Variants in LYST observed in about 807,000 individuals in gnomAD.
LYST encodes lysosomal trafficking regulator.
A neutral mutation model predicts 413.6 loss-of-function variants in LYST; 192 were observed. The observed-to-expected ratio is 0.46, with a 90% confidence interval of 0.41 to 0.52. The LOEUF is 0.52. LYST is among the 20% of genes least tolerant of loss of function. The pLI is 0.00. For synonymous variants in LYST, 1,525 were observed against 1,567.3 expected (o/e 0.97, Z 0.64); for missense variants, 3,815 against 4,499.9 (o/e 0.85, Z 4.35).
At chr1:235,749,747 A>G (rs984088228) in intron 28 of LYST, among the ~76,000 whole-genome samples, 1 of 152,218 alleles carries the variant, frequency 6.6e-6, no homozygotes, top group East Asian at 1.9e-4. Flanking sequence ...GAAAAGACTA[A>G]AAGTTCATTA....
intron 3 of LYST, chr1:235,828,076 A>C: frequency 1.4e-6 from 1 of 719,426 alleles, no homozygotes; most frequent in Non-Finnish European, 1.7e-6. Flanking sequence ...ATAAGATACT[A>C]CTTCATATTC....
At chr1:235,833,512 T>C in intron 2 of LYST, 66 bp downstream of exon 2, 1 of 261,928 alleles carries the variant, frequency 3.8e-6, no homozygotes, top group Non-Finnish European at 5.9e-6. Flanking sequence ...GAATGTCAGA[T>C]AATTATGTAG....
chr1:235,755,185 T>A (rs988952486), intron 25 of LYST, among the ~76,000 whole-genome samples: 1 of 150,196 alleles, frequency 6.7e-6, no homozygotes, highest in African/African-American at 2.5e-5. Context: ...GTCAGGAGTT[T>A]GAGACCAGCC....
At position 235,762,870 on chromosome 1, in the gene LYST, T is replaced by G. The variant is rs529194906; in HGVS notation, c.6122-19A>C. ...TTGCCATCTAGAATCCAAATTTTTT[T>G]TGAAACAGCAAAATTTTTAAAAAGG... is the stretch of plus-strand genomic sequence containing the variant. On this transcript the variant is annotated intron_variant, in intron 21 of 52. Transcript: ENST00000389793. 169 of 1,609,882 alleles carry G rather than the reference T, an allele frequency of 1.0e-4. 3 individuals carry two copies. The Middle Eastern group carries it at 1.3e-3, about 13-fold the overall frequency.
chr1:235,807,468 G>A (rs1672985136), intron 5 of LYST, among the ~76,000 whole-genome samples: 1 of 152,148 alleles, frequency 6.6e-6, no homozygotes, highest in South Asian at 2.1e-4. Context: ...ACGCCAAAGA[G>A]TTACAAAACT....
intron 28 of LYST, among the ~76,000 whole-genome samples, chr1:235,746,904 A>AT (rs2103284139): frequency 6.6e-6 from 1 of 152,300 alleles, no homozygotes; most frequent in East Asian, 1.9e-4. Context: ...AATGCACATA[A>AT]TTTTTTAGTA....
chr1:235,824,606 A>C (rs972284734), intron 3 of LYST, among the ~76,000 whole-genome samples: 1 of 152,246 alleles, frequency 6.6e-6, no homozygotes, highest in Non-Finnish European at 1.5e-5. Context: ...TGTCATCTTT[A>C]ACCATTAAAA....
intron 46 of LYST, among the ~76,000 whole-genome samples, chr1:235,693,732 CTA>C (rs1477391358): frequency 6.6e-6 from 1 of 152,086 alleles, no homozygotes; most frequent in Non-Finnish European, 1.5e-5. Flanking sequence ...TGACTCAGAA[CTA>C]AAATTTCTGT....
At chr1:235,876,695 A>C (rs1397368723) in intron 1 of LYST, among the ~76,000 whole-genome samples, 1 of 152,228 alleles carries the variant, frequency 6.6e-6, no homozygotes, top group Non-Finnish European at 1.5e-5. Flanking sequence ...TGTTTTCTGC[A>C]AAGAGAAACT....
In LYST at chr1:235,729,597, T is replaced by C. The variant is rs1664187016; in HGVS notation, c.9105A>G (p.Leu3035=). The C allele has an allele frequency of 6.2e-7, 1 of 1,603,180 alleles. No homozygotes were observed. The highest frequency in any genetic ancestry group is 8.5e-7 in the Non-Finnish European group (1 of 1,170,416). ...AAAATTCTTCAAAATTTGACTTACC[T>C]AGTAACAATTCACCAGCTGTCTCTC... ...PSRETAGELL[L]GKCGMYFVED... Residue 3035 remains leucine (L), a splice_region_variant and synonymous_variant, in exon 37 of 53, where the codon CTA becomes CTG. Coordinates refer to ENST00000389793, the MANE Select transcript of LYST (RefSeq NM_000081.4).
chr1:235,737,967 G>C (rs1015071255), intron 31 of LYST: 1 of 1,356,014 alleles, frequency 7.4e-7, no homozygotes, highest in African/African-American at 1.5e-5. Flanking sequence ...GTGCATTCTC[G>C]ATTCCTTTTG....
intron 1 of LYST, among the ~76,000 whole-genome samples, chr1:235,865,026 T>C (rs1362376329): frequency 6.6e-6 from 1 of 152,204 alleles, no homozygotes; most frequent in Non-Finnish European, 1.5e-5. Flanking sequence ...CTACAAGGCC[T>C]TATACAGTCT....
chr1:235,802,030 C>T (rs1672287669), intron 8 of LYST, among the ~76,000 whole-genome samples: 1 of 151,800 alleles, frequency 6.6e-6, no homozygotes, highest in African/African-American at 2.4e-5. Flanking sequence ...CCCATCTCTA[C>T]TAAAAATATA....
chr1:235,817,714 G>A, intron 3 of LYST, among the ~76,000 whole-genome samples: 1 of 152,126 alleles, frequency 6.6e-6, no homozygotes, highest in Non-Finnish European at 1.5e-5. Context: ...CCTCTTTCAG[G>A]ATGGAGGGTG....
At chr1:235,752,540 G>A (rs915801906) in intron 26 of LYST, among the ~76,000 whole-genome samples, 1 of 152,088 alleles carries the variant, frequency 6.6e-6, no homozygotes. Flanking sequence ...GTGTGGGTAT[G>A]AACAGGAACA....
At chr1:235,784,761 A>C (rs1670240802) in intron 14 of LYST, among the ~76,000 whole-genome samples, 1 of 152,130 alleles carries the variant, frequency 6.6e-6, no homozygotes, top group Non-Finnish European at 1.5e-5. Context: ...TGCCTAGGAG[A>C]AAGGGGCTCT....
chr1:235,865,519 T>C (rs181422332), intron 1 of LYST, among the ~76,000 whole-genome samples: 2 of 152,256 alleles, frequency 1.3e-5, no homozygotes, highest in Admixed American at 1.3e-4. Context: ...TATATATAAT[T>C]ATATAGTTTG....
intron 1 of LYST, among the ~76,000 whole-genome samples, chr1:235,838,906 T>C (rs1324158324): frequency 6.6e-6 from 1 of 152,182 alleles, no homozygotes; most frequent in Non-Finnish European, 1.5e-5. Context: ...GATTATTGGG[T>C]CCATTTGTTG....
At chr1:235,865,262 T>C (rs1680373143) in intron 1 of LYST, among the ~76,000 whole-genome samples, 2 of 152,160 alleles carry the variant, frequency 1.3e-5, no homozygotes, top group Admixed American at 1.3e-4. Context: ...TCTAGGAAGC[T>C]TTCCCTGGCT....
Sources: allele counts gnomAD v4.1 joint callset (sites outside exome capture counted in the v4.1 genomes callset), GRCh38; gene constraint gnomAD v4.1.1; transcripts MANE v1.5; gene names NCBI Gene and HGNC (gene_info 2026-07-23, HGNC 2026-07-21).